Variants in ITSN2 observed in about 807,000 individuals in gnomAD.
ITSN2 encodes intersectin 2, also known as intersectin-2.
Under a neutral mutation model 243.7 loss-of-function variants are expected in ITSN2, and 156 were observed. The observed-to-expected ratio is 0.64, with a 90% CI of 0.56 to 0.73. ITSN2 has a LOEUF of 0.73. Ranked by LOEUF, ITSN2 falls within the 30% of genes least tolerant of loss-of-function variation. The pLI is 0.00. For synonymous variants in ITSN2, 703 were observed against 699.9 expected (o/e 1.00, Z -0.07); for missense variants, 1,801 against 1,996.1 (o/e 0.90, Z 1.86).
chr2:24,210,630 AAAAAG>A (rs1558428135), intron 34 of ITSN2, 145 bp downstream of exon 34: 120 of 628,874 alleles, frequency 1.9e-4, no homozygotes, highest in Non-Finnish European at 1.9e-4. Flanking sequence ...AAAAAAAAAA[AAAAAG>A]AAAAAAAAAT....
chr2:24,290,118 C>G (rs577122257), intron 15 of ITSN2, among the ~76,000 whole-genome samples: 1 of 152,160 alleles, frequency 6.6e-6, no homozygotes, highest in Non-Finnish European at 1.5e-5. Context: ...TTAATGCACA[C>G]TTTAAATTCT....
At chr2:24,230,913 CCTT>C (rs1438311234) in intron 29 of ITSN2, among the ~76,000 whole-genome samples, 2 of 152,192 alleles carry the variant, frequency 1.3e-5, no homozygotes, top group South Asian at 2.1e-4. Flanking sequence ...CTCGCTTCCT[CCTT>C]CTCTCCTGCT....
In ITSN2 at chr2:24,204,093, C is replaced by T. The variant is rs1041726352; in HGVS notation, c.4936+152G>A. On this transcript the variant is annotated intron_variant, in intron 39 of 39. Transcript: ENST00000355123. This position sits in a 1 kb window ranked among gnomAD's most constrained non-coding sequence, Gnocchi z 5.1. ...AGGCCACCTCCTCCCCTGAGGAAGG[C>T]CACCCACCTGCTGCCAAAGCGAGAT... 3 of 765,994 alleles carry T rather than the reference C, an allele frequency of 3.9e-6. No individual in the cohort carries two copies. Among genetic ancestry groups the T allele is most frequent in the African/African-American group, 1.8e-5 (1 of 56,870 alleles). The allele number at this position is 765,994 out of a possible 1,614,324, so 47.4% of individuals were successfully genotyped here. A position where few individuals can be genotyped will look rare whatever the true frequency, so the allele number is the denominator to read the frequency against.
intron 1 of ITSN2, among the ~76,000 whole-genome samples, chr2:24,341,493 T>C (rs1687042690): frequency 1.3e-5 from 2 of 152,210 alleles, no homozygotes; most frequent in Admixed American, 1.3e-4. Flanking sequence ...AAGACTCAGC[T>C]ATTAGTGTTG....
At position 24,203,607 on chromosome 2, in the gene ITSN2, G is replaced by T; in HGVS notation, c.*19C>A. 2 of 1,609,470 alleles carry T rather than the reference G, an allele frequency of 1.2e-6. No homozygotes were observed. Among genetic ancestry groups the T allele is most frequent in the Non-Finnish European group, 1.7e-6 (2 of 1,177,380 alleles). ...CCCAGCCTTGTGGGCTGTCCCGCTG[G>T]TGCTGTCCTTTAGAACCCCTACAGG... On this transcript the variant is annotated 3_prime_UTR_variant, in exon 40 of 40. Coordinates refer to ENST00000355123, the MANE Select transcript of ITSN2 (RefSeq NM_006277.3).
intron 30 of ITSN2, chr2:24,220,732 G>A (rs1053675069): frequency 1.5e-6 from 2 of 1,355,434 alleles, no homozygotes; most frequent in East Asian, 3.0e-5. Flanking sequence ...CTGGGGGAAA[G>A]AGCTCATTAG....
At chr2:24,230,777 GAAATAA>G (rs1200457911) in intron 29 of ITSN2, among the ~76,000 whole-genome samples, 2 of 152,042 alleles carry the variant, frequency 1.3e-5, no homozygotes, top group East Asian at 3.9e-4. Context: ...TCAAAAAAAA[GAAATAA>G]AAATAAAAAT....
chr2:24,215,945 TG>T, intron 32 of ITSN2, 103 bp downstream of exon 32: 2 of 775,592 alleles, frequency 2.6e-6, no homozygotes, highest in Non-Finnish European at 3.8e-6. Context: ...TGGAAACTGA[TG>T]GGGATGCCCT....
In ITSN2 at chr2:24,294,117, A is replaced by G. The variant is rs375182824; in HGVS notation, c.1636-342T>C. On this transcript the variant is annotated intron_variant, in intron 14 of 39. Coordinates refer to ENST00000355123, the MANE Select transcript of ITSN2 (RefSeq NM_006277.3). ...AGCATGCCATGATACTTCAGGATGA[A>G]TATGTGTATATCAAAGAGGGACTAA... 1.3e-4 allele frequency among the ~76,000 whole-genome samples: 20 copies of G among 152,290 alleles called. 1 individual carries two copies. In the Middle Eastern group the frequency reaches 0.01, roughly 78 times the overall value.
chr2:24,316,155 G>A (rs114799747), intron 2 of ITSN2, among the ~76,000 whole-genome samples: 1 of 152,180 alleles, frequency 6.6e-6, no homozygotes, highest in Admixed American at 6.6e-5. Context: ...AATAACTAGA[G>A]TTAGTAATAA....
intron 22 of ITSN2, among the ~76,000 whole-genome samples, chr2:24,260,744 C>T (rs1055884447): frequency 5.3e-5 from 8 of 151,904 alleles, no homozygotes; most frequent in Admixed American, 5.2e-4. Flanking sequence ...CCCGTCTCTA[C>T]TAAAAATACA....
chr2:24,263,107 A>G lies in ITSN2; in HGVS notation c.2356-1365T>C, dbSNP rs534293541. Reference sequence around the variant, plus strand: ...ATACATAACTGTCATAATTAGCATTATATACATTATATATGCATAATGACA... The same window carrying G: ...ATACATAACTGTCATAATTAGCATTGTATACATTATATATGCATAATGACA... On this transcript the variant is annotated intron_variant, in intron 20 of 39. Transcript: ENST00000355123. Among the ~76,000 whole-genome samples, 24 of 152,332 alleles carry G rather than the reference A, an allele frequency of 1.6e-4. 1 individual carries two copies. The South Asian group carries it at 4.1e-3, about 26-fold the overall frequency.
At chr2:24,254,162 A>G (rs1487629621) in intron 24 of ITSN2, among the ~76,000 whole-genome samples, 1 of 152,204 alleles carries the variant, frequency 6.6e-6, no homozygotes, top group Non-Finnish European at 1.5e-5. Context: ...CTAAAGTGCC[A>G]AGTATTTTCA....
At chr2:24,278,226 T>A (rs1678271405) in intron 17 of ITSN2, among the ~76,000 whole-genome samples, 3 of 152,152 alleles carry the variant, frequency 2.0e-5, no homozygotes, top group Admixed American at 2.0e-4. Context: ...CTAACCCTAT[T>A]CCCTGCAGTG....
At chr2:24,308,874 C>T (rs551576422) in intron 7 of ITSN2, 118 bp from the exon 8 acceptor site, 36 of 695,442 alleles carry the variant, frequency 5.2e-5, no homozygotes, top group South Asian at 4.4e-4. Flanking sequence ...CCCGGGCCAC[C>T]GACCTGTTAG....
intron 13 of ITSN2, among the ~76,000 whole-genome samples, chr2:24,297,906 C>T (rs1681187399): frequency 6.6e-6 from 1 of 152,100 alleles, no homozygotes; most frequent in Admixed American, 6.5e-5. Flanking sequence ...CCATATTGTA[C>T]AGTCTGTTTA....
chr2:24,335,912 G>A (rs905990104), intron 1 of ITSN2, among the ~76,000 whole-genome samples: 2 of 151,846 alleles, frequency 1.3e-5, no homozygotes, highest in East Asian at 2.0e-4. Flanking sequence ...GATTACAGGC[G>A]TGAGCAACCA....
chr2:24,279,680 G>C (rs1037069692), intron 17 of ITSN2, among the ~76,000 whole-genome samples: 2 of 151,098 alleles, frequency 1.3e-5, no homozygotes, highest in African/African-American at 4.9e-5. Context: ...AGATTCCTAG[G>C]CCAGGAGTTT....
intron 29 of ITSN2, among the ~76,000 whole-genome samples, chr2:24,232,516 T>C (rs980676558): frequency 5.3e-5 from 8 of 152,172 alleles, no homozygotes; most frequent in African/African-American, 1.7e-4. Flanking sequence ...CATGACTCAA[T>C]TGAGGGAGTT....
Sources: allele counts gnomAD v4.1 joint callset (sites outside exome capture counted in the v4.1 genomes callset), GRCh38; gene constraint gnomAD v4.1.1; non-coding constraint Gnocchi (gnomAD v3.1); transcripts MANE v1.5; gene names NCBI Gene and HGNC (gene_info 2026-07-23, HGNC 2026-07-21).